The following CTDSPL variants were observed in gnomAD, a reference collection of about 807,000 sequenced individuals.
CTDSPL encodes CTD small phosphatase like.
A neutral mutation model predicts 30.5 loss-of-function variants in CTDSPL; 8 were observed. The ratio of observed to expected loss-of-function variants is 0.26; its 90% CI spans 0.15 to 0.47. CTDSPL has a LOEUF of 0.47. Ranked by LOEUF, CTDSPL falls within the 20% of genes least tolerant of loss-of-function variation. CTDSPL has a pLI of 0.99. For synonymous variants in CTDSPL, 110 were observed against 137.9 expected, an observed-to-expected ratio of 0.80 and a Z score of 1.42; for missense variants, 248 against 366.1, an observed-to-expected ratio of 0.68 and a Z score of 2.63.
At chr3:37,957,181 C>T in intron 3 of CTDSPL, 38 bp downstream of exon 3, 1 of 1,449,282 alleles carries the variant, frequency 6.9e-7, no homozygotes, top group Non-Finnish European at 9.4e-7. Flanking sequence ...TTAAAACAGT[C>T]ATAAAATCTT....
chr3:37,913,434 C>T (rs1180819265), intron 1 of CTDSPL, among the ~76,000 whole-genome samples: 1 of 152,200 alleles, frequency 6.6e-6, no homozygotes, highest in African/African-American at 2.4e-5. Context: ...CCTCTATATT[C>T]AGGCTGGCTG....
At chr3:37,909,770 C>T (rs957967349) in intron 1 of CTDSPL, among the ~76,000 whole-genome samples, 3 of 152,228 alleles carry the variant, frequency 2.0e-5, no homozygotes, top group Non-Finnish European at 4.4e-5. Flanking sequence ...GCCATAAGGC[C>T]AAGTCCCACA....
At chr3:37,936,697 C>A (rs559791392) in intron 1 of CTDSPL, among the ~76,000 whole-genome samples, 1 of 149,568 alleles carries the variant, frequency 6.7e-6, no homozygotes, top group East Asian at 2.0e-4. Context: ...TAGCTTATTC[C>A]GTAATAATGT....
intron 1 of CTDSPL, among the ~76,000 whole-genome samples, chr3:37,869,739 G>A (rs530840600): frequency 2.3e-4 from 35 of 152,228 alleles, no homozygotes; most frequent in Admixed American, 1.2e-3. Flanking sequence ...AATGTCAGCT[G>A]TAGGTTTTTT....
At chr3:37,941,332 C>A (rs1408468726) in intron 1 of CTDSPL, among the ~76,000 whole-genome samples, 1 of 149,998 alleles carries the variant, frequency 6.7e-6, no homozygotes, top group African/African-American at 2.4e-5. Flanking sequence ...AAGGATTTCC[C>A]TTTACTCTCC....
intron 1 of CTDSPL, among the ~76,000 whole-genome samples, chr3:37,924,677 A>G (rs1698760510): frequency 6.6e-6 from 1 of 152,222 alleles, no homozygotes; most frequent in Non-Finnish European, 1.5e-5. Flanking sequence ...ATCCTGCCGG[A>G]GAACTTTGTC....
chr3:37,948,321 AG>A (rs1212824379), intron 2 of CTDSPL, among the ~76,000 whole-genome samples: 3 of 152,206 alleles, frequency 2.0e-5, no homozygotes, highest in Admixed American at 2.0e-4. Context: ...ATAAGGAATA[AG>A]GATGAGCGAA....
At chr3:37,951,016 G>A (rs1699100465) in intron 2 of CTDSPL, among the ~76,000 whole-genome samples, 2 of 152,126 alleles carry the variant, frequency 1.3e-5, no homozygotes, top group South Asian at 4.2e-4. Flanking sequence ...TTCAGAGAGG[G>A]AACAAAAAAT....
chr3:37,943,410 T>C (rs1471431859), intron 1 of CTDSPL, among the ~76,000 whole-genome samples: 1 of 149,702 alleles, frequency 6.7e-6, no homozygotes, highest in Non-Finnish European at 1.5e-5. Flanking sequence ...TGGAGGAAGC[T>C]AGGGAGTAAG....
chr3:37,917,677 G>T (rs1466636162), intron 1 of CTDSPL, among the ~76,000 whole-genome samples: 2 of 152,180 alleles, frequency 1.3e-5, no homozygotes, highest in Non-Finnish European at 2.9e-5. Flanking sequence ...CTTTCAGAGG[G>T]ATATAAAGGA....
chr3:37,872,813 T>G (rs1020869641), intron 1 of CTDSPL, among the ~76,000 whole-genome samples: 1 of 152,118 alleles, frequency 6.6e-6, no homozygotes, highest in African/African-American at 2.4e-5. Context: ...GACCTCCTGA[T>G]CTGCCCGCCC....
rs1559640768 is a variant in CTDSPL at position 37,945,293 on chromosome 3, C to T, written c.80-1764C>T. 1.3e-5 allele frequency among the ~76,000 whole-genome samples: 2 copies of T among 150,430 alleles called. 1 individual carries two copies. The highest frequency in any genetic ancestry group is 3.0e-5 in the Non-Finnish European group (2 of 67,130). On this transcript the variant is annotated intron_variant, in intron 1 of 7. Transcript: ENST00000273179. Reference sequence around the variant, plus strand: ...GGCATGTTCCACCTTCTTAATCTAACCTAAGTTGTTTCAAGATTGTATTCA... The same window carrying T: ...GGCATGTTCCACCTTCTTAATCTAATCTAAGTTGTTTCAAGATTGTATTCA...
chr3:37,928,938 T>C (rs1424339182), intron 1 of CTDSPL, among the ~76,000 whole-genome samples: 1 of 152,226 alleles, frequency 6.6e-6, no homozygotes, highest in Non-Finnish European at 1.5e-5. Context: ...CTTTAATCCA[T>C]TTTGAGTTGA....
chr3:37,938,773 T>C (rs1031872961), intron 1 of CTDSPL, among the ~76,000 whole-genome samples: 6 of 148,910 alleles, frequency 4.0e-5, no homozygotes, highest in Non-Finnish European at 9.0e-5. Flanking sequence ...CTCCGCCTCC[T>C]GGGTTCAAAC....
intron 1 of CTDSPL, among the ~76,000 whole-genome samples, chr3:37,909,101 A>C (rs1053976511): frequency 5.3e-5 from 8 of 152,192 alleles, no homozygotes; most frequent in Non-Finnish European, 1.2e-4. Context: ...TTGTTGGGCT[A>C]AATAAAAATG....
At chr3:37,873,173 G>A (rs1698095947) in intron 1 of CTDSPL, among the ~76,000 whole-genome samples, 1 of 152,188 alleles carries the variant, frequency 6.6e-6, no homozygotes, top group Non-Finnish European at 1.5e-5. Flanking sequence ...CAGCATGGGT[G>A]GTAGGATGCC....
intron 1 of CTDSPL, among the ~76,000 whole-genome samples, chr3:37,932,634 C>A (rs1384218796): frequency 6.6e-6 from 1 of 152,208 alleles, no homozygotes; most frequent in African/African-American, 2.4e-5. Flanking sequence ...CTGTTTTTAC[C>A]TTTCAGACTG....
intron 1 of CTDSPL, among the ~76,000 whole-genome samples, chr3:37,882,164 T>A (rs1267093539): frequency 3.3e-5 from 5 of 151,782 alleles, no homozygotes; most frequent in African/African-American, 1.2e-4. Context: ...AAATATTGGC[T>A]GGGCACGGTG....
At chr3:37,953,238 A>T (rs1405606668) in intron 2 of CTDSPL, among the ~76,000 whole-genome samples, 2 of 152,224 alleles carry the variant, frequency 1.3e-5, no homozygotes, top group African/African-American at 4.8e-5. Flanking sequence ...AGTAGCTACC[A>T]TACTGGACAG....
Sources: allele counts gnomAD v4.1 joint callset (sites outside exome capture counted in the v4.1 genomes callset), GRCh38; gene constraint gnomAD v4.1.1; transcripts MANE v1.5; gene names NCBI Gene and HGNC (gene_info 2026-07-23, HGNC 2026-07-21).